The following OSTM1 variants were observed in gnomAD, a reference collection of about 807,000 sequenced individuals.
The protein encoded by OSTM1 is osteoclastogenesis associated transmembrane protein 1.
Under a neutral mutation model 35.4 loss-of-function variants are expected in OSTM1, and 26 were observed. The ratio of observed to expected loss-of-function variants is 0.73; its 90% CI spans 0.54 to 1.02. The LOEUF (loss-of-function observed/expected upper bound fraction) is 1.02. Ranked by LOEUF, OSTM1 falls within the 50% of genes least tolerant of loss-of-function variation. The probability of loss-of-function intolerance (pLI) is 0.00; values close to 1 mark genes in which losing one functional copy is unlikely to be tolerated. For missense variants in OSTM1, 366 were observed against 409.6 expected, an observed-to-expected ratio of 0.89 and a Z score of 0.92; for synonymous variants, 181 against 165.0, an observed-to-expected ratio of 1.10 and a Z score of -0.75.
intron 1 of OSTM1, among the ~76,000 whole-genome samples, chr6:108,067,575 T>TA (rs60475070): frequency 0.41 from 61,815 of 151,660 alleles, 14,165 homozygotes; most frequent in African/African-American, 0.59. Flanking sequence ...CTCACGCCTG[T>TA]ATCCCAATAC....
chr6:108,058,541 C>G (rs959249046), intron 2 of OSTM1, among the ~76,000 whole-genome samples: 1 of 152,200 alleles, frequency 6.6e-6, no homozygotes, highest in Non-Finnish European at 1.5e-5. Context: ...GTAATCCCAG[C>G]ACTTTGGGAG....
chr6:108,073,641 C>T (rs1292610495), intron 1 of OSTM1: 2 of 152,870 alleles, frequency 1.3e-5, no homozygotes, highest in African/African-American at 4.8e-5. Context: ...CCATAGTATA[C>T]CGCTAATAAG....
At chr6:108,064,846 T>TAA in intron 1 of OSTM1, among the ~76,000 whole-genome samples, 1 of 152,224 alleles carries the variant, frequency 6.6e-6, no homozygotes, top group East Asian at 1.9e-4. Flanking sequence ...TGATGAATAA[T>TAA]AAAAGAGTGG....
intron 1 of OSTM1, among the ~76,000 whole-genome samples, chr6:108,064,875 T>C (rs1772349307): frequency 6.6e-6 from 1 of 152,086 alleles, no homozygotes; most frequent in East Asian, 1.9e-4. Context: ...GGGAAACAAA[T>C]GGTCAGTCAT....
intron 2 of OSTM1, among the ~76,000 whole-genome samples, chr6:108,062,513 A>G (rs1192749493): frequency 4.0e-5 from 6 of 151,592 alleles, no homozygotes; most frequent in African/African-American, 7.3e-5. Context: ...TAATAGGAGA[A>G]TACTATATAA....
intron 1 of OSTM1, among the ~76,000 whole-genome samples, chr6:108,068,856 C>T (rs1022269188): frequency 6.6e-6 from 1 of 152,188 alleles, no homozygotes; most frequent in African/African-American, 2.4e-5. Context: ...CCTTAACATA[C>T]CCTACAAGGC....
chr6:108,074,474 G>A lies in OSTM1; in HGVS notation c.178C>T (p.Leu60=), dbSNP rs1772552798. ...QQLLEVEDLS[L]SLLQGGGLGP... ...AGCCCTCCACCCTGCAGGAGGGACAGGGACAAGTCCTCCACCTCCAGCAAC... is the reference window on the plus strand; with the variant it reads ...AGCCCTCCACCCTGCAGGAGGGACAAGGACAAGTCCTCCACCTCCAGCAAC... Residue 60 remains leucine, a synonymous_variant, in exon 1 of 6, where the codon CTG becomes TTG. Transcript: ENST00000193322. 1 of 1,557,658 alleles carries A rather than the reference G, an allele frequency of 6.4e-7. No homozygotes were observed. Among genetic ancestry groups the A allele is most frequent in the East Asian group, 2.4e-5 (1 of 41,444 alleles).
chr6:108,063,260 T>C (rs188409069), intron 2 of OSTM1, among the ~76,000 whole-genome samples: 15 of 152,282 alleles, frequency 9.9e-5, no homozygotes, highest in Admixed American at 2.6e-4. Flanking sequence ...GCTCAAGCAA[T>C]TCTGCCTTGG....
At chr6:108,052,540 G>A (rs565028787) in intron 3 of OSTM1, among the ~76,000 whole-genome samples, 55 of 123,232 alleles carry the variant, frequency 4.5e-4, no homozygotes, top group African/African-American at 1.6e-3. Context: ...TTTGAGACAC[G>A]GTCTTGCTAT....
chr6:108,053,092 C>T (rs997446504), intron 3 of OSTM1, among the ~76,000 whole-genome samples: 1 of 152,174 alleles, frequency 6.6e-6, no homozygotes. Flanking sequence ...CTTTCTTATT[C>T]CCTAATAAAC....
At position 108,065,922 on chromosome 6, in the gene OSTM1, T is replaced by C. The variant is rs553293918; in HGVS notation, c.403-1623A>G. Among the ~76,000 whole-genome samples, 5 of 152,274 alleles carry C rather than the reference T, an allele frequency of 3.3e-5. 1 individual carries two copies. In the South Asian group the frequency reaches 1.0e-3, roughly 32 times the overall value. On this transcript the variant is annotated intron_variant, in intron 1 of 5. Transcript: ENST00000193322. ...GGTTCAGGAAGATATCAATGTAGTT[T>C]TGAGAAATTAGGAAAGAGTTCATGA...
intron 1 of OSTM1, among the ~76,000 whole-genome samples, chr6:108,071,820 A>C (rs1368434623): frequency 6.6e-6 from 1 of 152,044 alleles, no homozygotes; most frequent in Admixed American, 6.6e-5. Context: ...GCCTCTTTTC[A>C]CCTGTTTATC....
At chr6:108,070,790 T>C (rs112127813) in intron 1 of OSTM1, among the ~76,000 whole-genome samples, 10,364 of 150,636 alleles carry the variant, frequency 0.069, 694 homozygotes, top group African/African-American at 0.18. Flanking sequence ...CTTGGGAGGC[T>C]GAGGCAGGAG....
Position 108,044,475 on chromosome 6 carries a change from C to T in OSTM1, c.*310G>A. On this transcript the variant is annotated 3_prime_UTR_variant, in exon 6 of 6. Coordinates refer to ENST00000193322, the MANE Select transcript of OSTM1 (RefSeq NM_014028.4). ...GATATTTATGTTAGTAAGAAGATAC[C>T]AGAAGTCTAGAATAGTAATCAAATG... 1.0e-5 allele frequency: 2 copies of T among 196,052 alleles called. No individual in the cohort carries two copies. The highest frequency in any genetic ancestry group is 1.6e-4 in the South Asian group (1 of 6,168). 12.1% of individuals were successfully genotyped at this position (196,052 alleles called of 1,614,324 possible).
intron 1 of OSTM1, among the ~76,000 whole-genome samples, chr6:108,064,908 G>T (rs9386706): frequency 0.23 from 35,114 of 152,096 alleles, 4,146 homozygotes; most frequent in Admixed American, 0.26. Context: ...ATGGAAAAAA[G>T]GAGAAAAGAG....
chr6:108,042,923 A>G lies in OSTM1; in HGVS notation c.*1862T>C, dbSNP rs1208789587. On this transcript the variant is annotated 3_prime_UTR_variant, in exon 6 of 6. Transcript: ENST00000193322. The stretch of plus-strand genomic sequence containing the variant: ...GTCAACATTCAGTACTATGCAAATC[A>G]TTTTTCAATATGACAAAATGAAAAA... The G allele has an allele frequency of 6.6e-6, 1 of 152,176 alleles. No homozygotes were observed. Among genetic ancestry groups the G allele is most frequent in the East Asian group, 1.9e-4 (1 of 5,204 alleles). 9.4% of individuals were successfully genotyped at this position (152,176 alleles called of 1,614,324 possible).
intron 5 of OSTM1, among the ~76,000 whole-genome samples, chr6:108,048,148 C>CT (rs947171993): frequency 4.6e-5 from 7 of 151,926 alleles, no homozygotes; most frequent in African/African-American, 1.5e-4. Flanking sequence ...TACAGGTAAC[C>CT]TTTTTTTAAA....
chr6:108,066,262 C>T (rs1772374296), intron 1 of OSTM1, among the ~76,000 whole-genome samples: 1 of 152,092 alleles, frequency 6.6e-6, no homozygotes, highest in South Asian at 2.1e-4. Context: ...ACACTACTTC[C>T]ATAGATCAGG....
intron 2 of OSTM1, among the ~76,000 whole-genome samples, 173 bp from the exon 3 acceptor site, chr6:108,054,760 A>T (rs181103311): frequency 6.6e-6 from 1 of 152,382 alleles, no homozygotes; most frequent in East Asian, 1.9e-4. Flanking sequence ...AAGTTAAAAA[A>T]GTCATAACCA....
Sources: allele counts gnomAD v4.1 joint callset (sites outside exome capture counted in the v4.1 genomes callset), GRCh38; gene constraint gnomAD v4.1.1; transcripts MANE v1.5; gene names NCBI Gene and HGNC (gene_info 2026-07-23, HGNC 2026-07-21).